The following POLR1B variants were observed in gnomAD, a reference collection of about 807,000 sequenced individuals.
The protein encoded by POLR1B is RNA polymerase I subunit B, also known as DNA-directed RNA polymerase I subunit RPA2.
A neutral mutation model predicts 105.8 loss-of-function variants in POLR1B; 30 were observed. The ratio of observed to expected loss-of-function variants is 0.28; its 90% CI spans 0.21 to 0.38. The LOEUF (loss-of-function observed/expected upper bound fraction) is 0.38, where lower values mean the gene tolerates loss of function less well. Ranked by LOEUF, POLR1B falls within the 10% of genes least tolerant of loss-of-function variation. The probability of loss-of-function intolerance (pLI) is 1.00; values close to 1 mark genes in which losing one functional copy is unlikely to be tolerated. For synonymous variants in POLR1B, 485 were observed against 505.1 expected (o/e 0.96, Z 0.53); for missense variants, 976 against 1,435.8 (o/e 0.68, Z 5.17).
In POLR1B at chr2:112,575,846, C is replaced by A; in HGVS notation, c.*117C>A. 3 of 1,160,048 alleles carry A rather than the reference C, an allele frequency of 2.6e-6. No homozygotes were observed. Among genetic ancestry groups the A allele is most frequent in the South Asian group, 1.6e-5 (1 of 63,796 alleles). The allele number at this position is 1,160,048 out of a possible 1,614,324, so 71.9% of individuals were successfully genotyped here. On this transcript the variant is annotated 3_prime_UTR_variant, in exon 15 of 15. Coordinates refer to ENST00000263331, the MANE Select transcript of POLR1B (RefSeq NM_019014.6). This position sits in a 1 kb window ranked among gnomAD's most constrained non-coding sequence, Gnocchi z 5.3. Reference sequence around the variant, plus strand: ...GAGATTTTTCAACGGTGTTAGAACTCTCAACCAAGACCTGAAAACCAAGTA... The same window carrying A: ...GAGATTTTTCAACGGTGTTAGAACTATCAACCAAGACCTGAAAACCAAGTA...
rs1261604867 is a variant in POLR1B, at chr2:112,574,877, C to G, written c.2556C>G (p.Ile852Met). The G allele has an allele frequency of 1.9e-6, 3 of 1,612,632 alleles. No individual in the cohort carries two copies. Among genetic ancestry groups the G allele is most frequent in the Non-Finnish European group, 2.5e-6 (3 of 1,178,838 alleles). The change falls in exon 15 of 15, where the codon ATC (isoleucine) becomes ATG (methionine). Residue 852 changes from isoleucine (I) to methionine (M), a missense_variant. Coordinates refer to ENST00000263331, the MANE Select transcript of POLR1B (RefSeq NM_019014.6). ...KSKENCVVDN[I>M]KVCSNDTGSG... ...AAGAAAATTGTGTTGTGGATAACAT[C>G]AAAGTGTGCAGTAATGACACTGGGA...
At chr2:112,554,352 C>T (rs1167910037) in intron 7 of POLR1B, among the ~76,000 whole-genome samples, 1 of 151,958 alleles carries the variant, frequency 6.6e-6, no homozygotes, top group Non-Finnish European at 1.5e-5. Context: ...AGGCTGGTCT[C>T]GAACTCCTGA....
At chr2:112,556,108 G>A (rs1173321625) in intron 7 of POLR1B, among the ~76,000 whole-genome samples, 1 of 152,220 alleles carries the variant, frequency 6.6e-6, no homozygotes, top group East Asian at 1.9e-4. Context: ...TGAAGATGAA[G>A]TGTTCAGTGT....
At chr2:112,548,171 G>C (rs1454125045) in intron 3 of POLR1B, 1 of 152,272 alleles carries the variant, frequency 6.6e-6, no homozygotes, top group African/African-American at 2.4e-5. Flanking sequence ...TTGCAGAGTT[G>C]AGTTGAGGTA....
rs570048553 is a variant in POLR1B, at chr2:112,564,503, G to C, written c.1746+4G>C. On this transcript the variant is annotated splice_donor_region_variant and intron_variant, in intron 10 of 14. Coordinates refer to ENST00000263331, the MANE Select transcript of POLR1B (RefSeq NM_019014.6). ...AGATTCTCTTCGTCATTTTAAGGTG[G>C]GCTTGAGGCTTTGTGAATTGTCCTA... The C allele has an allele frequency of 1.2e-6, 2 of 1,614,088 alleles. No individual in the cohort carries two copies. The highest frequency in any genetic ancestry group is 1.7e-6 in the Non-Finnish European group (2 of 1,180,026).
At chr2:112,570,623 G>C (rs1574133839) in intron 12 of POLR1B, among the ~76,000 whole-genome samples, 5 of 152,288 alleles carry the variant, frequency 3.3e-5, no homozygotes, top group Admixed American at 2.6e-4. Context: ...ACAGTTGTAA[G>C]ACAATGGCAA....
At chr2:112,564,772 T>C (rs1347221488) in intron 10 of POLR1B, among the ~76,000 whole-genome samples, 1 of 152,234 alleles carries the variant, frequency 6.6e-6, no homozygotes. Flanking sequence ...TTTAACTTTT[T>C]TCCCCCTTCT....
chr2:112,577,467 T>C lies in POLR1B; in HGVS notation c.*1738T>C, dbSNP rs2104589120. ...GGGAGGCTGAGGTGGGAGGATTGCT[T>C]GAACCCAAGAGGTCGAGGCTGCAGT... On this transcript the variant is annotated 3_prime_UTR_variant, in exon 15 of 15. Coordinates refer to ENST00000263331, the MANE Select transcript of POLR1B (RefSeq NM_019014.6). 6.6e-6 allele frequency among the ~76,000 whole-genome samples: 1 copy of C among 152,292 alleles called. No homozygotes were observed. The highest frequency in any genetic ancestry group is 2.1e-4 in the South Asian group (1 of 4,826).
rs1459568449 is a variant in POLR1B at position 112,558,038 on chromosome 2, A to G, written c.1287A>G (p.Pro429=). Residue 429 remains proline, a synonymous_variant, in exon 8 of 15, where the codon CCA becomes CCG. Coordinates refer to ENST00000263331, the MANE Select transcript of POLR1B (RefSeq NM_019014.6). ...IFTMGIDLTK[P]FEYLFATGNL... Reference sequence around the variant, plus strand: ...CAATGGGCATAGACCTTACAAAACCATTTGAATACCTTTTTGCTACTGGGA... The same window carrying G: ...CAATGGGCATAGACCTTACAAAACCGTTTGAATACCTTTTTGCTACTGGGA... 2 of 1,361,722 alleles carry G rather than the reference A, an allele frequency of 1.5e-6. No homozygotes were observed. The highest frequency in any genetic ancestry group is 2.8e-5 in the Admixed American group (1 of 35,758). 84.4% of individuals were successfully genotyped at this position (1,361,722 alleles called of 1,614,324 possible). A position where few individuals can be genotyped will look rare whatever the true frequency, so the allele number is the denominator to read the frequency against.
intron 7 of POLR1B, among the ~76,000 whole-genome samples, chr2:112,557,391 G>C (rs1683716075): frequency 6.6e-6 from 1 of 152,186 alleles, no homozygotes; most frequent in Non-Finnish European, 1.5e-5. Flanking sequence ...TGTAGTTCGT[G>C]TGATTGGTTT....
At chr2:112,559,128 A>AT (rs1248550797) in intron 8 of POLR1B, among the ~76,000 whole-genome samples, 165 bp from the exon 9 acceptor site, 10 of 152,054 alleles carry the variant, frequency 6.6e-5, no homozygotes, top group Non-Finnish European at 1.3e-4. Context: ...TATTTTACAT[A>AT]TTTTTTTGTG....
intron 9 of POLR1B, among the ~76,000 whole-genome samples, chr2:112,560,334 T>C (rs1227319180): frequency 6.6e-6 from 1 of 152,146 alleles, no homozygotes; most frequent in Non-Finnish European, 1.5e-5. Flanking sequence ...TTGAGTAGTT[T>C]TTTGGGTCAT....
Position 112,553,845 on chromosome 2 carries a change from A to G in POLR1B, c.1158+1029A>G, listed in dbSNP as rs140478694. Among the ~76,000 whole-genome samples, 590 of 152,324 alleles carry G rather than the reference A, an allele frequency of 3.9e-3. 3 individuals are homozygous for G. Among genetic ancestry groups the G allele is most frequent in the Non-Finnish European group, 7.0e-3 (473 of 68,032 alleles). On this transcript the variant is annotated intron_variant, in intron 7 of 14. Transcript: ENST00000263331. ...TTTTATATGTGTTAATTCAGTGTTCATTAGAACATAGCTACTGTGAGTAGT... is the reference window on the plus strand; with the variant it reads ...TTTTATATGTGTTAATTCAGTGTTCGTTAGAACATAGCTACTGTGAGTAGT...
At chr2:112,547,626 A>G in intron 3 of POLR1B, 59 bp downstream of exon 3, 1 of 1,545,040 alleles carries the variant, frequency 6.5e-7, no homozygotes, top group Non-Finnish European at 8.8e-7. Context: ...GAGTAAGAAG[A>G]CAAGAAGTGT....
chr2:112,563,864 T>A (rs1684139569), intron 9 of POLR1B, among the ~76,000 whole-genome samples: 1 of 152,190 alleles, frequency 6.6e-6, no homozygotes, highest in Non-Finnish European at 1.5e-5. Flanking sequence ...GCCACTGCAC[T>A]GCAGCCTGAG....
chr2:112,551,142 A>G (rs554210509), intron 5 of POLR1B, 140 bp downstream of exon 5: 505 of 892,858 alleles, frequency 5.7e-4, no homozygotes, highest in Non-Finnish European at 8.0e-4. Flanking sequence ...GTCAAAATTC[A>G]ATAGCTTAAA....
intron 1 of POLR1B, among the ~76,000 whole-genome samples, chr2:112,546,417 C>T (rs1683044129): frequency 6.6e-6 from 1 of 152,124 alleles, no homozygotes; most frequent in East Asian, 1.9e-4. Flanking sequence ...GAATTTTGTT[C>T]TGTTCACAGC....
At chr2:112,548,675 C>A (rs1683192928) in intron 3 of POLR1B, among the ~76,000 whole-genome samples, 2 of 151,668 alleles carry the variant, frequency 1.3e-5, no homozygotes, top group African/African-American at 4.8e-5. Context: ...CGCAGTGGCG[C>A]AATCTTGGCT....
At chr2:112,564,025 C>G (rs530122356) in intron 9 of POLR1B, among the ~76,000 whole-genome samples, 1 of 152,270 alleles carries the variant, frequency 6.6e-6, no homozygotes, top group African/African-American at 2.4e-5. Context: ...AGTGGTCTTG[C>G]TATTTCTACC....
Sources: gnomAD v4.1 joint callset for allele counts (sites outside exome capture counted in the v4.1 genomes callset) on GRCh38, gnomAD v4.1.1 for gene constraint, Gnocchi (gnomAD v3.1) non-coding constraint, MANE v1.5 for transcripts, NCBI Gene and HGNC (gene_info 2026-07-23, HGNC 2026-07-21) for gene names.